Variants in NR1D2 observed in about 807,000 individuals in gnomAD.
NR1D2 encodes V-erbA-related protein 1-related.
Under a neutral mutation model 52.2 loss-of-function variants are expected in NR1D2, and 25 were observed. The observed-to-expected ratio is 0.48, with a 90% confidence interval of 0.35 to 0.67. NR1D2 has a LOEUF of 0.67. Ranked by LOEUF, NR1D2 falls within the 30% of genes least tolerant of loss-of-function variation. The pLI is 0.01. For missense variants in NR1D2, 681 were observed against 707.2 expected, an observed-to-expected ratio of 0.96 and a Z score of 0.42; for synonymous variants, 259 against 230.1, an observed-to-expected ratio of 1.13 and a Z score of -1.14.
intron 4 of NR1D2, among the ~76,000 whole-genome samples, chr3:23,960,466 G>T (rs1186037020): frequency 6.7e-6 from 1 of 149,554 alleles, no homozygotes; most frequent in Non-Finnish European, 1.5e-5. Flanking sequence ...GAGTAGCTGG[G>T]ATTACAGGTG....
Position 23,972,687 on chromosome 3 carries a change from A to G in NR1D2, c.1544-4536A>G, listed in dbSNP as rs576933934. Among the ~76,000 whole-genome samples, 4 of 152,308 alleles carry G rather than the reference A, an allele frequency of 2.6e-5. No individual in the cohort carries two copies. The East Asian group carries it at 7.7e-4, about 29-fold the overall frequency. On this transcript the variant is annotated intron_variant, in intron 7 of 7. Transcript: ENST00000312521. ...GAGTGCAATGAAGAACCAGCTAAGGAGAGAGAAGATAGAAGTGTCATAAAT... is the reference window on the plus strand; with the variant it reads ...GAGTGCAATGAAGAACCAGCTAAGGGGAGAGAAGATAGAAGTGTCATAAAT...
At chr3:23,967,347 G>T (rs113669965) in intron 6 of NR1D2, among the ~76,000 whole-genome samples, 106 of 151,840 alleles carry the variant, frequency 7.0e-4, no homozygotes, top group African/African-American at 1.4e-3. Context: ...TGGCATGGTG[G>T]CTCACACCTG....
chr3:23,955,843 CAAAA>C (rs370209924), intron 2 of NR1D2, among the ~76,000 whole-genome samples, 190 bp from the exon 3 acceptor site: 13 of 146,418 alleles, frequency 8.9e-5, no homozygotes, highest in African/African-American at 3.0e-4. Context: ...CAAAGCAAAA[CAAAA>C]AAAAAACACC....
At chr3:23,966,277 G>A (rs1706448740) in intron 6 of NR1D2, among the ~76,000 whole-genome samples, 1 of 152,214 alleles carries the variant, frequency 6.6e-6, no homozygotes, top group Non-Finnish European at 1.5e-5. Flanking sequence ...TATTATAACG[G>A]AGGGAGTGAG....
intron 4 of NR1D2, among the ~76,000 whole-genome samples, chr3:23,961,588 G>T (rs1160580375): frequency 6.6e-6 from 1 of 151,562 alleles, no homozygotes; most frequent in East Asian, 1.9e-4. Flanking sequence ...TAGAGACGGG[G>T]TTTCACCATA....
rs776378040 is a variant in NR1D2, at chr3:23,956,048, A to T, written c.295A>T (p.Met99Leu). 19 of 1,613,246 alleles carry T rather than the reference A, an allele frequency of 1.2e-5. No homozygotes were observed. In the South Asian group the frequency reaches 2.0e-4, roughly 17 times the overall value. The change falls in exon 3 of 8, where the codon ATG (methionine) becomes TTG (leucine). Residue 99 changes from methionine (M) to leucine (L), a missense_variant. Physicochemically the swap from Met to Leu is conservative, Grantham distance 15. Transcript: ENST00000312521. Reference protein sequence around the residue: ...SHSGVTKFSGMVLLCKVCGDV... With the variant: ...SHSGVTKFSGLVLLCKVCGDV... The stretch of plus-strand genomic sequence containing the variant: ...CTTTTGTGTCCTAGAATTTAGTGGC[A>T]TGGTTCTACTGTGTAAAGTCTGTGG...
intron 1 of NR1D2, among the ~76,000 whole-genome samples, chr3:23,951,133 G>C (rs1024024604): frequency 2.0e-5 from 3 of 152,026 alleles, no homozygotes; most frequent in Non-Finnish European, 2.9e-5. Flanking sequence ...TTGGACTCCC[G>C]ACCTCAGGTG....
rs1179073486 is a variant in NR1D2, at chr3:23,978,423, T to G, written c.*1004T>G. ...GAATATTGAATTTATGCTCTATTTTTGTTTATTTAAGCAACACTTAATGTA... is the reference window on the plus strand; with the variant it reads ...GAATATTGAATTTATGCTCTATTTTGGTTTATTTAAGCAACACTTAATGTA... On this transcript the variant is annotated 3_prime_UTR_variant, in exon 8 of 8. Transcript: ENST00000312521. 6.6e-6 allele frequency: 1 copy of G among 152,160 alleles called. No homozygotes were observed. The highest frequency in any genetic ancestry group is 1.9e-4 in the East Asian group (1 of 5,200). The allele number at this position is 152,160 out of a possible 1,614,324, so 9.4% of individuals were successfully genotyped here.
Position 23,967,928 on chromosome 3 carries a change from T to G in NR1D2, c.1448T>G (p.Leu483Arg). The change falls in exon 7 of 8, where the codon CTA becomes CGA. Residue 483 changes from leucine (L) to arginine (R), a missense_variant. By Grantham distance (102) the Leu-to-Arg change is moderately radical (BLOSUM62 -2). This residue lies in a region of NR1D2 where 475 missense variants were observed against 454.5 expected (regional missense o/e 1.05). Coordinates refer to ENST00000312521, the MANE Select transcript of NR1D2 (RefSeq NM_005126.5). ...CACTCAATGGGAGCAGGGGATCTGC[T>G]AAACTCTATGTTTGAATTTAGTGAG... ...DLHSMGAGDL[L>R]NSMFEFSEKL... The G allele has an allele frequency of 1.2e-6, 2 of 1,614,174 alleles. No homozygotes were observed. The highest frequency in any genetic ancestry group is 1.7e-6 in the Non-Finnish European group (2 of 1,180,000).
At position 23,978,200 on chromosome 3, in the gene NR1D2, T is replaced by C. The variant is rs992412397; in HGVS notation, c.*781T>C. On this transcript the variant is annotated 3_prime_UTR_variant, in exon 8 of 8. Coordinates refer to ENST00000312521, the MANE Select transcript of NR1D2 (RefSeq NM_005126.5). ...TACTGATACACACGTATTCAAAGTT[T>C]ATGGGTACAACAAAGACATAGTACA... is the stretch of plus-strand genomic sequence containing the variant. 1 of 152,176 alleles carries C rather than the reference T, an allele frequency of 6.6e-6. No homozygotes were observed. Among genetic ancestry groups the C allele is most frequent in the Non-Finnish European group, 1.5e-5 (1 of 68,022 alleles). 9.4% of individuals were successfully genotyped at this position (152,176 alleles called of 1,614,324 possible). A position where few individuals can be genotyped will look rare whatever the true frequency, so the allele number is the denominator to read the frequency against.
intron 5 of NR1D2, among the ~76,000 whole-genome samples, chr3:23,964,113 C>G (rs1706373608): frequency 6.6e-6 from 1 of 150,808 alleles, no homozygotes; most frequent in Admixed American, 6.6e-5. Context: ...GAGTCTCACT[C>G]TGTCACCCAG....
rs1208396721 is a variant in NR1D2 at position 23,979,620 on chromosome 3, ATTCT to A, written c.*2203_*2206del. 6.6e-6 allele frequency: 1 copy of A among 152,106 alleles called. No individual in the cohort carries two copies. The highest frequency in any genetic ancestry group is 2.4e-5 in the African/African-American group (1 of 41,462). The allele number at this position is 152,106 out of a possible 1,614,324, so 9.4% of individuals were successfully genotyped here. The stretch of plus-strand genomic sequence containing the variant: ...GTCTTGTAAAATTTTATTTGAATAA[ATTCT>A]TCCTGTAGGTAATGGGAAACAAAAT... On this transcript the variant is annotated 3_prime_UTR_variant, in exon 8 of 8. Transcript: ENST00000312521.
chr3:23,960,563 C>G (rs1043212811), intron 4 of NR1D2, among the ~76,000 whole-genome samples: 1 of 152,094 alleles, frequency 6.6e-6, no homozygotes, highest in South Asian at 2.1e-4. Context: ...AACTCCTGAC[C>G]TCAAGTGATC....
At chr3:23,967,792 C>T in intron 6 of NR1D2, 21 bp from the exon 7 acceptor site, 2 of 1,589,940 alleles carry the variant, frequency 1.3e-6, no homozygotes, top group Non-Finnish European at 1.7e-6. Flanking sequence ...TCTCCAAATA[C>T]ATTTCTTTTT....
Position 23,954,683 on chromosome 3 carries a change from C to G in NR1D2, c.163C>G (p.Pro55Ala). 2 of 1,614,050 alleles carry G rather than the reference C, an allele frequency of 1.2e-6. No homozygotes were observed. The highest frequency in any genetic ancestry group is 1.3e-5 in the African/African-American group (1 of 75,014). Reference sequence around the variant, plus strand: ...CTCTAATTCTGATACCAATGGTAATCCCAAGAATGGTGATCTCGCCAATAT... The same window carrying G: ...CTCTAATTCTGATACCAATGGTAATGCCAAGAATGGTGATCTCGCCAATAT... ...NSSNSDTNGN[P>A]KNGDLANIEG... is the part of the protein sequence containing the mutation. Residue 55 changes from proline (P) to alanine (A), a missense_variant, in exon 2 of 8, where the codon CCC (proline) becomes GCC (alanine). Around this residue, in one of 3 missense-constraint regions of NR1D2, gnomAD observed 94 missense variants for 90.4 expected, o/e 1.04. Transcript: ENST00000312521.
chr3:23,947,603 A>G (rs1026014800), intron 1 of NR1D2, among the ~76,000 whole-genome samples: 5 of 152,220 alleles, frequency 3.3e-5, no homozygotes, highest in Non-Finnish European at 7.3e-5. Flanking sequence ...GCTGACTCAC[A>G]GTAACCTTGC....
At chr3:23,964,334 C>T (rs1405062496) in intron 5 of NR1D2, among the ~76,000 whole-genome samples, 1 of 152,160 alleles carries the variant, frequency 6.6e-6, no homozygotes, top group Non-Finnish European at 1.5e-5. Flanking sequence ...GCCTCGGTCT[C>T]CCAAAGTGCT....
intron 5 of NR1D2, among the ~76,000 whole-genome samples, chr3:23,964,410 A>G (rs1421363466): frequency 1.3e-5 from 2 of 152,102 alleles, no homozygotes; most frequent in Non-Finnish European, 2.9e-5. Flanking sequence ...AAAATGAGGC[A>G]CCTTGCTGTT....
intron 7 of NR1D2, among the ~76,000 whole-genome samples, chr3:23,968,628 G>A (rs1282522414): frequency 6.6e-6 from 1 of 152,186 alleles, no homozygotes; most frequent in Admixed American, 6.5e-5. Flanking sequence ...GTTTGAATGA[G>A]TGAGCAAGAT....
Sources: allele counts gnomAD v4.1 joint callset (sites outside exome capture counted in the v4.1 genomes callset), GRCh38; gene constraint gnomAD v4.1.1; regional missense constraint gnomAD v4.1.1; transcripts MANE v1.5; gene names NCBI Gene and HGNC (gene_info 2026-07-23, HGNC 2026-07-21).